SPNS3: variants seen among roughly 807,000 people sequenced by gnomAD.
The protein encoded by SPNS3 is SPNS lysolipid transporter 3, sphingosine-1-phosphate (putative).
Under a neutral mutation model 54.4 loss-of-function variants are expected in SPNS3, and 51 were observed. The ratio of observed to expected loss-of-function variants is 0.94; its 90% confidence interval spans 0.75 to 1.18. The LOEUF (loss-of-function observed/expected upper bound fraction) is 1.18, where lower values mean the gene tolerates loss of function less well. Among genes scored for constraint, SPNS3 ranks in the 50% most tolerant of loss-of-function variants. The pLI is 0.00. For synonymous variants in SPNS3, 309 were observed against 294.7 expected, an observed-to-expected ratio of 1.05 and a Z score of -0.50; for missense variants, 669 against 677.4, an observed-to-expected ratio of 0.99 and a Z score of 0.14.
At chr17:4,452,388 C>A (rs1304312998) in intron 7 of SPNS3, among the ~76,000 whole-genome samples, 2 of 151,980 alleles carry the variant, frequency 1.3e-5, no homozygotes, top group Non-Finnish European at 2.9e-5. Flanking sequence ...CAGGTCTCCA[C>A]AGGAAGGATG....
At chr17:4,485,522 C>T (rs1381070270) in intron 9 of SPNS3, among the ~76,000 whole-genome samples, 1 of 152,046 alleles carries the variant, frequency 6.6e-6, no homozygotes, top group East Asian at 1.9e-4. Flanking sequence ...CTCAACCTCC[C>T]GAGTAGCTGG....
At chr17:4,434,924 TC>T (rs1970675634) in intron 1 of SPNS3, among the ~76,000 whole-genome samples, 1 of 151,686 alleles carries the variant, frequency 6.6e-6, no homozygotes, top group African/African-American at 2.4e-5. Context: ...TATCTCAGCC[TC>T]CCGAGTAGCT....
intron 8 of SPNS3, among the ~76,000 whole-genome samples, chr17:4,473,636 C>T (rs1971915395): frequency 6.6e-6 from 1 of 152,160 alleles, no homozygotes; most frequent in Non-Finnish European, 1.5e-5. Context: ...GATCTGCCTG[C>T]CTCGGCTTCC....
chr17:4,463,468 C>A (rs369921230), intron 8 of SPNS3, among the ~76,000 whole-genome samples: 103 of 151,112 alleles, frequency 6.8e-4, no homozygotes, highest in African/African-American at 2.1e-3. Context: ...TGACTCATGC[C>A]TGTAATCCCA....
In SPNS3 at chr17:4,486,117, C is replaced by A; in HGVS notation, c.1180-111C>A. The A allele has an allele frequency of 1.1e-6, 1 of 909,442 alleles. No homozygotes were observed. Among genetic ancestry groups the A allele is most frequent in the Non-Finnish European group, 1.6e-6 (1 of 634,600 alleles). The allele number at this position is 909,442 out of a possible 1,614,324, so 56.3% of individuals were successfully genotyped here. A position where few individuals can be genotyped will look rare whatever the true frequency, so the allele number is the denominator to read the frequency against. Reference sequence around the variant, plus strand: ...GGGGACCGTCGACTCCCTCCCATCCCACTCACCTGAATGGCCTGTCACTCC... The same window carrying A: ...GGGGACCGTCGACTCCCTCCCATCCAACTCACCTGAATGGCCTGTCACTCC... On this transcript the variant is annotated intron_variant, in intron 9 of 11. Coordinates refer to ENST00000355530, the MANE Select transcript of SPNS3 (RefSeq NM_182538.5). This position sits in a 1 kb window ranked among gnomAD's most constrained non-coding sequence, Gnocchi z 5.5.
chr17:4,486,217 A>G lies in SPNS3; in HGVS notation c.1180-11A>G, dbSNP rs1397703945. The G allele has an allele frequency of 1.3e-6, 2 of 1,528,912 alleles. No homozygotes were observed. Among genetic ancestry groups the G allele is most frequent in the African/African-American group, 1.4e-5 (1 of 71,726 alleles). The allele number at this position is 1,528,912 out of a possible 1,614,324, so 94.7% of individuals were successfully genotyped here. The stretch of plus-strand genomic sequence containing the variant: ...CTTGGGGTGCCCCCCTGCTGTGCCT[A>G]TGTTTTGCAGTCTGTGGTGGTGCCC... On this transcript the variant is annotated splice_polypyrimidine_tract_variant and intron_variant, in intron 9 of 11. Transcript: ENST00000355530. This position sits in a 1 kb window ranked among gnomAD's most constrained non-coding sequence, Gnocchi z 5.5.
intron 4 of SPNS3, chr17:4,446,475 G>A (rs756175047): frequency 3.1e-5 from 15 of 488,326 alleles, no homozygotes; most frequent in Non-Finnish European, 4.8e-5. Context: ...GGCCCACCCA[G>A]GGAAGGGCCG....
At chr17:4,456,577 G>A (rs967121716) in intron 8 of SPNS3, among the ~76,000 whole-genome samples, 4 of 152,138 alleles carry the variant, frequency 2.6e-5, no homozygotes, top group African/African-American at 9.7e-5. Flanking sequence ...CCAGGCTGGA[G>A]TACAGTGGCA....
intron 8 of SPNS3, among the ~76,000 whole-genome samples, chr17:4,468,588 G>A (rs1235764936): frequency 2.0e-5 from 3 of 152,012 alleles, no homozygotes; most frequent in Admixed American, 1.3e-4. Context: ...TGGCGGCGGG[G>A]GAAGACTGAG....
chr17:4,477,586 G>A (rs546404800), intron 8 of SPNS3, among the ~76,000 whole-genome samples: 4 of 152,324 alleles, frequency 2.6e-5, no homozygotes. Context: ...AAGGCAGGGG[G>A]CGTGTTCTGG....
chr17:4,475,375 A>T (rs1209002255), intron 8 of SPNS3, among the ~76,000 whole-genome samples: 2 of 152,038 alleles, frequency 1.3e-5, no homozygotes, highest in African/African-American at 4.8e-5. Context: ...TGGGGAGGAG[A>T]TGGCCGGGGA....
Position 4,446,080 on chromosome 17 carries a change from C to A in SPNS3, c.435C>A (p.Ile145=). 1 of 1,612,062 alleles carries A rather than the reference C, an allele frequency of 6.2e-7. No homozygotes were observed. The highest frequency in any genetic ancestry group is 8.5e-7 in the Non-Finnish European group (1 of 1,178,556). The stretch of plus-strand genomic sequence containing the variant: ...GGCTCTTCTTCCTGTCCCGGGGCAT[C>A]GTGGGCACTGGCTCGGCCAGCTACT... ...YSWLFFLSRG[I]VGTGSASYST... Residue 145 remains isoleucine (I), a synonymous_variant, in exon 4 of 12, where the codon ATC becomes ATA. Transcript: ENST00000355530.
At chr17:4,444,355 C>T (rs114267571) in intron 2 of SPNS3, among the ~76,000 whole-genome samples, 16,177 of 151,680 alleles carry the variant, frequency 0.11, 1,007 homozygotes, top group African/African-American at 0.18. Flanking sequence ...GCTGGGAGTA[C>T]AGATGCCCAC....
rs147355619 is a variant in SPNS3 at position 4,487,867 on chromosome 17, C to A, written c.1512C>A (p.Gly504=). The change falls in exon 12 of 12, where the codon GGC becomes GGA. Residue 504 remains glycine, a synonymous_variant. Transcript: ENST00000355530. ...NDLERQGLLS[G]AGASTEEP is the part of the protein sequence containing the mutation. Reference sequence around the variant, plus strand: ...TGGAGAGACAAGGCCTACTTTCGGGCGCTGGCGCCTCTACAGAGGAGCCCT... The same window carrying A: ...TGGAGAGACAAGGCCTACTTTCGGGAGCTGGCGCCTCTACAGAGGAGCCCT... 1 of 1,613,956 alleles carries A rather than the reference C, an allele frequency of 6.2e-7. No homozygotes were observed. Among genetic ancestry groups the A allele is most frequent in the South Asian group, 1.1e-5 (1 of 91,088 alleles).
At chr17:4,462,810 T>TATCCATCCATCCATCC (rs147800983) in intron 8 of SPNS3, among the ~76,000 whole-genome samples, 2 of 40,148 alleles carry the variant, frequency 5.0e-5, no homozygotes, top group African/African-American at 2.9e-4. Flanking sequence ...TCCACCAATC[T>TATCCATCCATCCATCC]ATCCATCCAT....
In SPNS3 at chr17:4,486,254, G is replaced by GA. The variant is rs755535620; in HGVS notation, c.1207dup (p.Thr403AsnfsTer27). 8 of 1,571,750 alleles carry GA rather than the reference G, an allele frequency of 5.1e-6. No homozygotes were observed. The South Asian group carries it at 9.4e-5, about 19-fold the overall frequency. ...CTGTGGTGGTGCCCAGATGCCGGGG[G>GA]ACGGCAGAGGCACTTCAGATCACGG... is the stretch of plus-strand genomic sequence containing the variant. On this transcript the variant is annotated frameshift_variant, in exon 10 of 12. Transcript: ENST00000355530. LOFTEE classifies it high-confidence loss of function. The surrounding 1 kb of genome is among the most constrained non-coding windows in gnomAD (Gnocchi z 5.5).
rs1970723132 is a variant in SPNS3 at position 4,436,542 on chromosome 17, G to C, written c.199+2376G>C. On this transcript the variant is annotated intron_variant, in intron 1 of 11. Coordinates refer to ENST00000355530, the MANE Select transcript of SPNS3 (RefSeq NM_182538.5). ...AGGATTGCTTGAGGCTGAAGCGGGA[G>C]GATTGCTTGAGGCTGCGGTGAGCCC... Among the ~76,000 whole-genome samples the C allele has an allele frequency of 3.0e-5, 4 of 135,410 alleles. No homozygotes were observed. The South Asian group carries it at 9.1e-4, about 31-fold the overall frequency. 88.8% of individuals were successfully genotyped at this position (135,410 alleles called of 152,430 possible).
rs1044113202 is a variant in SPNS3 at position 4,470,460 on chromosome 17, C to G, written c.1114-8112C>G. Reference sequence around the variant, plus strand: ...TATTAGTAATAATTAATATATTGGACAGTTCACCCAATAAAGTGTATAATT... The same window carrying G: ...TATTAGTAATAATTAATATATTGGAGAGTTCACCCAATAAAGTGTATAATT... On this transcript the variant is annotated intron_variant, in intron 8 of 11. Transcript: ENST00000355530. Among the ~76,000 whole-genome samples, 9 of 152,192 alleles carry G rather than the reference C, an allele frequency of 5.9e-5. No homozygotes were observed. The East Asian group carries it at 1.7e-3, about 29-fold the overall frequency.
chr17:4,439,422 A>G (rs1970792724), intron 1 of SPNS3, among the ~76,000 whole-genome samples: 2 of 152,152 alleles, frequency 1.3e-5, no homozygotes, highest in South Asian at 4.1e-4. Flanking sequence ...CACCGTGCCC[A>G]GCCAAGGGAT....
Sources: allele counts gnomAD v4.1 joint callset (sites outside exome capture counted in the v4.1 genomes callset), GRCh38; gene constraint gnomAD v4.1.1; non-coding constraint Gnocchi (gnomAD v3.1); transcripts MANE v1.5; gene names NCBI Gene and HGNC (gene_info 2026-07-23, HGNC 2026-07-21).